STX8: variants seen among roughly 807,000 people sequenced by gnomAD.
STX8 encodes the protein syntaxin 8.
STX8 carries 23 observed loss-of-function variants against 37.5 expected under a neutral mutation model. The ratio of observed to expected loss-of-function variants is 0.61; its 90% CI spans 0.44 to 0.87. The LOEUF (loss-of-function observed/expected upper bound fraction) is 0.87, where lower values mean the gene tolerates loss of function less well. STX8 is among the 40% of genes least tolerant of loss of function. The pLI is 0.00. For missense variants in STX8, 313 were observed against 284.7 expected, an observed-to-expected ratio of 1.10 and a Z score of -0.71; for synonymous variants, 115 against 99.1, an observed-to-expected ratio of 1.16 and a Z score of -0.95.
intron 3 of STX8, among the ~76,000 whole-genome samples, chr17:9,550,952 G>A (rs1363364052): frequency 6.6e-6 from 1 of 152,180 alleles, no homozygotes; most frequent in Non-Finnish European, 1.5e-5. Flanking sequence ...GTGCACACCT[G>A]TAATCCCAGG....
rs529853622 is a variant in STX8, at chr17:9,353,455, G to A, written c.643+25097C>T. On this transcript the variant is annotated intron_variant, in intron 7 of 7. Transcript: ENST00000306357. ...CTTCTACATGCTTTCAGTGGTTAAAGTGGGCAATGTATTTATTTACTTAAA... is the reference window on the plus strand; with the variant it reads ...CTTCTACATGCTTTCAGTGGTTAAAATGGGCAATGTATTTATTTACTTAAA... Among the ~76,000 whole-genome samples, 11 of 152,320 alleles carry A rather than the reference G, an allele frequency of 7.2e-5. No individual in the cohort carries two copies. In the South Asian group the frequency reaches 2.3e-3, roughly 32 times the overall value.
chr17:9,456,803 T>C (rs1006462345), intron 6 of STX8, among the ~76,000 whole-genome samples: 12 of 152,118 alleles, frequency 7.9e-5, no homozygotes, highest in Non-Finnish European at 1.8e-4. Flanking sequence ...TGTCTTTTAT[T>C]TTTAAAAAAC....
chr17:9,300,352 A>AAAAAT (rs1908728064), intron 7 of STX8, among the ~76,000 whole-genome samples: 1 of 149,796 alleles, frequency 6.7e-6, no homozygotes, highest in African/African-American at 2.4e-5. Flanking sequence ...AAAAAAAGAA[A>AAAAAT]GAAAGAAAGA....
chr17:9,479,041 T>G (rs1211612977), intron 6 of STX8, among the ~76,000 whole-genome samples: 1 of 152,116 alleles, frequency 6.6e-6, no homozygotes, highest in African/African-American at 2.4e-5. Context: ...GGAAGGGACT[T>G]TTAGTTGTTA....
intron 3 of STX8, 42 bp downstream of exon 3, chr17:9,557,392 C>A (rs371803931): frequency 3.9e-5 from 60 of 1,538,136 alleles, no homozygotes; most frequent in Non-Finnish European, 5.0e-5. Context: ...GACTGCTTTT[C>A]CTCCCACTCT....
In STX8 at chr17:9,369,886, CAAAAAA is replaced by C. The variant is rs60178482; in HGVS notation, c.643+8660_643+8665del. Among the ~76,000 whole-genome samples the C allele has an allele frequency of 2.7e-4, 14 of 52,150 alleles. No homozygotes were observed. In the South Asian group the frequency reaches 7.6e-3, roughly 28 times the overall value. 34.2% of individuals were successfully genotyped at this position (52,150 alleles called of 152,430 possible). On this transcript the variant is annotated intron_variant, in intron 7 of 7. Coordinates refer to ENST00000306357, the MANE Select transcript of STX8 (RefSeq NM_004853.3). ...ATGACAGACCAGACAGACCCTGTAC[CAAAAAA>C]AAAAAAAAAAAAAAAAAAGAAAGAA...
At chr17:9,492,073 A>G (rs1906876339) in intron 5 of STX8, 152 bp from the exon 6 acceptor site, 1 of 530,730 alleles carries the variant, frequency 1.9e-6, no homozygotes, top group South Asian at 3.2e-5. Flanking sequence ...AAATTTAAAA[A>G]CTAAACACCT....
chr17:9,283,511 G>T (rs1356078913), intron 7 of STX8, among the ~76,000 whole-genome samples: 1 of 152,186 alleles, frequency 6.6e-6, no homozygotes. Flanking sequence ...TTGCACTCCA[G>T]CCTGGGTGAC....
At chr17:9,265,520 C>T (rs1489873799) in intron 7 of STX8, among the ~76,000 whole-genome samples, 1 of 152,240 alleles carries the variant, frequency 6.6e-6, no homozygotes, top group Non-Finnish European at 1.5e-5. Flanking sequence ...CCATTACTGG[C>T]GCTAGGCACT....
chr17:9,384,639 C>T (rs1410788509), intron 6 of STX8, among the ~76,000 whole-genome samples: 2 of 151,714 alleles, frequency 1.3e-5, no homozygotes, highest in African/African-American at 2.4e-5. Flanking sequence ...GACTCCATCT[C>T]AAACAAAACA....
intron 7 of STX8, among the ~76,000 whole-genome samples, chr17:9,353,985 C>T (rs1430282588): frequency 6.6e-6 from 1 of 152,194 alleles, no homozygotes; most frequent in Non-Finnish European, 1.5e-5. Flanking sequence ...CTTTCCTCCT[C>T]ATCAAAAGCA....
chr17:9,252,684 T>C (rs1402687400), intron 7 of STX8, among the ~76,000 whole-genome samples: 3 of 150,622 alleles, frequency 2.0e-5, no homozygotes, highest in Non-Finnish European at 4.4e-5. Flanking sequence ...CCTGTGACTG[T>C]GGTTGCATTT....
At chr17:9,295,941 A>C (rs1391936881) in intron 7 of STX8, among the ~76,000 whole-genome samples, 1 of 151,654 alleles carries the variant, frequency 6.6e-6, no homozygotes, top group African/African-American at 2.4e-5. Context: ...CTGTAATCCC[A>C]GCACTTTGGG....
chr17:9,358,589 C>T (rs1910956764), intron 7 of STX8, among the ~76,000 whole-genome samples: 1 of 152,180 alleles, frequency 6.6e-6, no homozygotes, highest in African/African-American at 2.4e-5. Flanking sequence ...ATCTTCTAAA[C>T]ACACTTCCAG....
chr17:9,410,234 T>C lies in STX8; in HGVS notation c.542-31581A>G, dbSNP rs73973732. On this transcript the variant is annotated intron_variant, in intron 6 of 7. Transcript: ENST00000306357. ...AACATCACTACCAGATAAGTCATCA[T>C]TGCTTATGATTGAGTTAATTTCTAT... Among the ~76,000 whole-genome samples, 756 of 152,372 alleles carry C rather than the reference T, an allele frequency of 5.0e-3. 8 individuals carry two copies. The highest frequency in any genetic ancestry group is 0.017 in the African/African-American group (705 of 41,594).
chr17:9,528,486 T>C (rs1482414068), intron 4 of STX8, among the ~76,000 whole-genome samples: 1 of 152,060 alleles, frequency 6.6e-6, no homozygotes, highest in South Asian at 2.1e-4. Flanking sequence ...TTAGTAGAGA[T>C]GTATTTAGTA....
intron 7 of STX8, among the ~76,000 whole-genome samples, chr17:9,262,782 A>G (rs1186601530): frequency 6.6e-6 from 1 of 152,026 alleles, no homozygotes; most frequent in Non-Finnish European, 1.5e-5. Flanking sequence ...GGGTTTCACC[A>G]TGTTGGCCAG....
intron 6 of STX8, among the ~76,000 whole-genome samples, chr17:9,447,187 T>G (rs1051630984): frequency 3.9e-5 from 6 of 152,202 alleles, no homozygotes; most frequent in African/African-American, 1.4e-4. Flanking sequence ...AGAAAACTTA[T>G]AATTACTTTT....
At chr17:9,527,759 C>T (rs1161021230) in intron 4 of STX8, among the ~76,000 whole-genome samples, 1 of 152,136 alleles carries the variant, frequency 6.6e-6, no homozygotes, top group African/African-American at 2.4e-5. Context: ...AGGAAAGGGG[C>T]CCTCACACAG....
Sources: allele counts gnomAD v4.1 joint callset (sites outside exome capture counted in the v4.1 genomes callset), GRCh38; gene constraint gnomAD v4.1.1; transcripts MANE v1.5; gene names NCBI Gene and HGNC (gene_info 2026-07-23, HGNC 2026-07-21).